The following CDH12 variants were observed in gnomAD, a reference collection of about 807,000 sequenced individuals.
The protein encoded by CDH12 is cadherin-12.
A neutral mutation model predicts 74.1 loss-of-function variants in CDH12; 41 were observed. The observed-to-expected ratio is 0.55, with a 90% CI of 0.43 to 0.72. CDH12 has a LOEUF of 0.72. CDH12 is among the 30% of genes least tolerant of loss of function. The pLI is 0.00. For synonymous variants in CDH12, 399 were observed against 355.0 expected, an observed-to-expected ratio of 1.12 and a Z score of -1.39; for missense variants, 945 against 977.2, an observed-to-expected ratio of 0.97 and a Z score of 0.44.
At chr5:22,350,606 A>T (rs1740319343) in intron 3 of CDH12, among the ~76,000 whole-genome samples, 1 of 152,204 alleles carries the variant, frequency 6.6e-6, no homozygotes, top group Admixed American at 6.5e-5. Flanking sequence ...TTATTTACTA[A>T]AGAAAGGTGG....
intron 1 of CDH12, among the ~76,000 whole-genome samples, chr5:22,563,406 T>C (rs1739152461): frequency 6.6e-6 from 1 of 152,176 alleles, no homozygotes; most frequent in African/African-American, 2.4e-5. Flanking sequence ...GCAGCTTTTT[T>C]GCCCATTTTA....
intron 1 of CDH12, among the ~76,000 whole-genome samples, chr5:22,729,865 T>C (rs148093168): frequency 1.2e-3 from 179 of 152,048 alleles, no homozygotes; most frequent in African/African-American, 4.1e-3. Flanking sequence ...GTTCTGGTTC[T>C]GTCTTTATCT....
At chr5:22,832,853 A>G (rs958855392) in intron 1 of CDH12, among the ~76,000 whole-genome samples, 5 of 152,162 alleles carry the variant, frequency 3.3e-5, no homozygotes, top group African/African-American at 7.2e-5. Flanking sequence ...CAGAGGCCCA[A>G]TAATGTCCTT....
At chr5:22,415,736 T>C (rs1365169794) in intron 2 of CDH12, among the ~76,000 whole-genome samples, 2 of 152,186 alleles carry the variant, frequency 1.3e-5, no homozygotes, top group Non-Finnish European at 2.9e-5. Flanking sequence ...ACAAATGTTA[T>C]ATTATGTATC....
intron 4 of CDH12, 108 bp from the exon 5 acceptor site, chr5:22,078,970 C>A (rs777590038): frequency 1.8e-5 from 7 of 380,688 alleles, no homozygotes; most frequent in Non-Finnish European, 2.8e-5. Flanking sequence ...AGAAGAAAGA[C>A]TATAAAAGAA....
chr5:21,866,900 C>T (rs916366019), intron 6 of CDH12, among the ~76,000 whole-genome samples: 1 of 152,102 alleles, frequency 6.6e-6, no homozygotes, highest in Admixed American at 6.5e-5. Flanking sequence ...TGGGCCTGCC[C>T]CAGGGTCCCT....
chr5:22,577,170 C>A (rs1739834624), intron 1 of CDH12, among the ~76,000 whole-genome samples: 2 of 152,024 alleles, frequency 1.3e-5, no homozygotes, highest in Admixed American at 1.3e-4. Flanking sequence ...TGATTAGACC[C>A]ATAACATTGT....
chr5:22,633,471 T>C (rs1738683184), intron 1 of CDH12, among the ~76,000 whole-genome samples: 1 of 152,230 alleles, frequency 6.6e-6, no homozygotes, highest in Admixed American at 6.5e-5. Flanking sequence ...GATTCTCAGC[T>C]GGTTAAACAT....
chr5:21,992,045 C>T (rs1390930279), intron 5 of CDH12, among the ~76,000 whole-genome samples: 3 of 151,930 alleles, frequency 2.0e-5, no homozygotes, highest in Admixed American at 1.3e-4. Context: ...CAGTAAGTTA[C>T]ATCTTGTTTC....
At chr5:22,554,141 G>A (rs1261225362) in intron 1 of CDH12, among the ~76,000 whole-genome samples, 2 of 152,116 alleles carry the variant, frequency 1.3e-5, no homozygotes, top group Non-Finnish European at 2.9e-5. Context: ...ATCAGGTGTT[G>A]CTGGGAATTA....
intron 6 of CDH12, among the ~76,000 whole-genome samples, chr5:21,867,873 G>A (rs1751413353): frequency 6.6e-6 from 1 of 152,140 alleles, no homozygotes; most frequent in Non-Finnish European, 1.5e-5. Flanking sequence ...ATATGGTTTG[G>A]CTGTGTCCCC....
intron 5 of CDH12, among the ~76,000 whole-genome samples, chr5:22,008,267 T>C (rs961754075): frequency 2.0e-5 from 3 of 152,036 alleles, no homozygotes; most frequent in Non-Finnish European, 4.4e-5. Context: ...TCTCGCTCTG[T>C]CACCCAGGCT....
intron 7 of CDH12, among the ~76,000 whole-genome samples, chr5:21,848,027 T>C (rs1415780866): frequency 2.0e-5 from 3 of 152,090 alleles, no homozygotes; most frequent in Admixed American, 2.0e-4. Flanking sequence ...AATAAAGTAG[T>C]GCATAATGCT....
At chr5:22,610,200 C>T (rs977524293) in intron 1 of CDH12, among the ~76,000 whole-genome samples, 12 of 152,104 alleles carry the variant, frequency 7.9e-5, no homozygotes, top group African/African-American at 2.4e-4. Context: ...GCAAAGAAAA[C>T]TTGAAAAGTA....
chr5:22,648,131 T>G (rs916068168), intron 1 of CDH12, among the ~76,000 whole-genome samples: 2 of 151,774 alleles, frequency 1.3e-5, no homozygotes, highest in African/African-American at 4.8e-5. Context: ...GAAGATAAAT[T>G]TTGACAAAGG....
chr5:22,266,399 A>G (rs1453188796), intron 3 of CDH12, among the ~76,000 whole-genome samples: 1 of 152,104 alleles, frequency 6.6e-6, no homozygotes, highest in East Asian at 1.9e-4. Context: ...TAATTAAACC[A>G]TAATCTCTAT....
chr5:22,826,665 G>A (rs1736344946), intron 1 of CDH12, among the ~76,000 whole-genome samples: 1 of 152,182 alleles, frequency 6.6e-6, no homozygotes, highest in African/African-American at 2.4e-5. Flanking sequence ...AACTTGTTGG[G>A]AACTGGAGCA....
chr5:21,983,969 A>G (rs1757415058), intron 5 of CDH12, among the ~76,000 whole-genome samples: 1 of 151,642 alleles, frequency 6.6e-6, no homozygotes, highest in African/African-American at 2.4e-5. Context: ...CTTTTTGAAA[A>G]CTCTAATTAG....
At chr5:22,431,967 T>A (rs1393234736) in intron 2 of CDH12, among the ~76,000 whole-genome samples, 1 of 152,114 alleles carries the variant, frequency 6.6e-6, no homozygotes, top group Non-Finnish European at 1.5e-5. Flanking sequence ...AACTTTGGTG[T>A]TCATCAAGTT....
Sources: allele counts gnomAD v4.1 joint callset (sites outside exome capture counted in the v4.1 genomes callset), GRCh38; gene constraint gnomAD v4.1.1; transcripts MANE v1.5; gene names NCBI Gene and HGNC (gene_info 2026-07-23, HGNC 2026-07-21).